Variants in CCT6B observed in about 807,000 individuals in gnomAD.
CCT6B encodes the protein chaperonin containing TCP1 subunit 6B.
A neutral mutation model predicts 61.5 loss-of-function variants in CCT6B; 49 were observed. The observed-to-expected ratio is 0.80, with a 90% confidence interval of 0.63 to 1.01. The LOEUF is 1.01. Among genes scored for constraint, CCT6B ranks in the 50% least tolerant of loss-of-function variants. The probability of loss-of-function intolerance (pLI) is 0.00; values close to 1 mark genes in which losing one functional copy is unlikely to be tolerated. For synonymous variants in CCT6B, 228 were observed against 214.5 expected, an observed-to-expected ratio of 1.06 and a Z score of -0.55; for missense variants, 666 against 634.7, an observed-to-expected ratio of 1.05 and a Z score of -0.53.
intron 3 of CCT6B, among the ~76,000 whole-genome samples, chr17:34,957,146 T>TC (rs2090356989): frequency 1.1e-5 from 1 of 91,678 alleles, no homozygotes; most frequent in African/African-American, 3.3e-5. Context: ...TCTTTCCATT[T>TC]TTTTTTTTTT....
rs752452559 is a variant in CCT6B, at chr17:34,961,425, A to AG, written c.-33dup. ...ACCGTTCAGAGGGAGAAAAAAAAAA[A>AG]GCCTTAGTCGCGATTCTGAGCAAAA... On this transcript the variant is annotated 5_prime_UTR_variant, in exon 1 of 14. Coordinates refer to ENST00000314144, the MANE Select transcript of CCT6B (RefSeq NM_006584.4). 1.9e-6 allele frequency: 3 copies of AG among 1,563,316 alleles called. No individual in the cohort carries two copies. In the South Asian group the frequency reaches 3.6e-5, roughly 19 times the overall value.
chr17:34,961,185 GC>G (rs2090411225), intron 1 of CCT6B, 71 bp downstream of exon 1: 1 of 1,502,748 alleles, frequency 6.7e-7, no homozygotes, highest in Non-Finnish European at 9.0e-7. Context: ...CTACGCGGAC[GC>G]CTGCCTCAGA....
chr17:34,939,459 T>C, intron 9 of CCT6B, 129 bp from the exon 10 acceptor site: 1 of 866,414 alleles, frequency 1.2e-6, no homozygotes, highest in Non-Finnish European at 1.8e-6. Context: ...AAGTTATATC[T>C]GAACTCTTAA....
chr17:34,951,921 C>T, intron 5 of CCT6B, 29 bp downstream of exon 5: 1 of 1,076,550 alleles, frequency 9.3e-7, no homozygotes. Flanking sequence ...TTCTAGAACC[C>T]ATATGTTGTC....
In CCT6B at chr17:34,928,061, GA is replaced by G; in HGVS notation, c.1579del (p.Ser527LeufsTer7). The G allele has an allele frequency of 1.7e-5, 27 of 1,610,432 alleles. No homozygotes were observed. The highest frequency in any genetic ancestry group is 2.1e-5 in the Non-Finnish European group (25 of 1,178,152). ...LVDEIMRAGM[S>X]SLK ...TGAATTCAATCATCATTTGAGAGAAGACATCCCAGCTCGCATAATTTCATCA... is the reference window on the plus strand; with the variant it reads ...TGAATTCAATCATCATTTGAGAGAAGCATCCCAGCTCGCATAATTTCATCA... On this transcript the variant is annotated frameshift_variant, in exon 14 of 14. Coordinates refer to ENST00000314144, the MANE Select transcript of CCT6B (RefSeq NM_006584.4). LOFTEE classifies it high-confidence loss of function.
intron 12 of CCT6B, among the ~76,000 whole-genome samples, chr17:34,929,261 A>G (rs893731633): frequency 3.3e-5 from 5 of 151,820 alleles, no homozygotes; most frequent in African/African-American, 4.8e-5. Flanking sequence ...AGGATACCAC[A>G]CTCTTCTGGT....
intron 5 of CCT6B, among the ~76,000 whole-genome samples, chr17:34,945,874 A>G (rs937627533): frequency 1.3e-5 from 2 of 152,244 alleles, no homozygotes; most frequent in Non-Finnish European, 2.9e-5. Context: ...AGAAACTCCA[A>G]CAGGTAAGTA....
Position 34,931,021 on chromosome 17 carries a change from G to A in CCT6B, c.1378C>T (p.Gln460Ter). Residue 460 changes from glutamine to a stop codon, truncating the protein, a stop_gained, in exon 12 of 14, where the codon CAG becomes TAG. Coordinates refer to ENST00000314144, the MANE Select transcript of CCT6B (RefSeq NM_006584.4). LOFTEE classifies it high-confidence loss of function. ...GCCTGAACTTTTACTAATGTTTCCTGTGGGTCATAACCAGCATTCTGAGCA... is the reference window on the plus strand; with the variant it reads ...GCCTGAACTTTTACTAATGTTTCCTATGGGTCATAACCAGCATTCTGAGCA... ...VLAQNAGYDP[Q>*]ETLVKVQAEH... The A allele has an allele frequency of 6.3e-7, 1 of 1,597,252 alleles. No individual in the cohort carries two copies. The highest frequency in any genetic ancestry group is 8.6e-7 in the Non-Finnish European group (1 of 1,168,580).
intron 5 of CCT6B, among the ~76,000 whole-genome samples, chr17:34,950,739 G>T (rs1316209003): frequency 6.6e-6 from 1 of 152,054 alleles, no homozygotes; most frequent in Non-Finnish European, 1.5e-5. Flanking sequence ...GACCAGCCTG[G>T]CCAACATGGT....
Position 34,930,976 on chromosome 17 carries a change from GTT to G in CCT6B, c.1421_1422del (p.Lys474ThrfsTer11). Reference protein sequence around the residue: ...VKVQAEHVESKQLVGVDLNTG... With the variant: ...VKVQAEHVESXQLVGVDLNTG... ...GTATTCAAATCTACGCCCACAAGTT[GTT>G]TTGACTCGACATGCTCAGCCTGAAC... On this transcript the variant is annotated frameshift_variant, in exon 12 of 14. Coordinates refer to ENST00000314144, the MANE Select transcript of CCT6B (RefSeq NM_006584.4). LOFTEE classifies it high-confidence loss of function. The G allele has an allele frequency of 6.2e-7, 1 of 1,603,096 alleles. No homozygotes were observed. The highest frequency in any genetic ancestry group is 1.1e-5 in the South Asian group (1 of 90,114).
chr17:34,928,877 G>T, intron 13 of CCT6B, 85 bp downstream of exon 13: 1 of 784,096 alleles, frequency 1.3e-6, no homozygotes, highest in South Asian at 1.7e-5. Context: ...CACTGTACAG[G>T]GACAAAAATA....
intron 5 of CCT6B, among the ~76,000 whole-genome samples, chr17:34,951,560 G>C (rs528752994): frequency 1.6e-4 from 24 of 152,064 alleles, no homozygotes; most frequent in Non-Finnish European, 2.5e-4. Context: ...TGTGCTCCAG[G>C]CACACTGTAA....
rs1388678946 is a variant in CCT6B at position 34,959,610 on chromosome 17, C to T, written c.178G>A (p.Gly60Ser). 3.1e-6 allele frequency: 5 copies of T among 1,613,114 alleles called. No individual in the cohort carries two copies. Among genetic ancestry groups the T allele is most frequent in the Non-Finnish European group, 8.5e-7 (1 of 1,179,260 alleles). Residue 60 changes from glycine to serine, a missense_variant, in exon 2 of 14, where the codon GGC becomes AGC. Transcript: ENST00000314144. ...GAGDIKLTKDGNVLLDEMQIQ... is the reference protein window; with the variant it reads ...GAGDIKLTKDSNVLLDEMQIQ... ...ACCATCTCATCGAGCAGCACATTGC[C>T]ATCTTTGGTGAGTTTGATGTCACCT...
At chr17:34,947,822 A>G (rs990247380) in intron 5 of CCT6B, among the ~76,000 whole-genome samples, 1 of 151,928 alleles carries the variant, frequency 6.6e-6, no homozygotes, top group Non-Finnish European at 1.5e-5. Flanking sequence ...TCTCTACTAA[A>G]ATACAAAAAA....
In CCT6B at chr17:34,939,624, T is replaced by C. The variant is rs2090137108; in HGVS notation, c.1058A>G (p.Tyr353Cys). 2 of 1,592,860 alleles carry C rather than the reference T, an allele frequency of 1.3e-6. No individual in the cohort carries two copies. Among genetic ancestry groups the C allele is most frequent in the South Asian group, 1.1e-5 (1 of 90,602 alleles). Residue 353 changes from tyrosine (Y) to cysteine (C), a missense_variant, in exon 9 of 14, where the codon TAT (tyrosine) becomes TGT (cysteine). Tyr to Cys is a radical substitution (Grantham distance 194). Transcript: ENST00000314144. ...GTTCATAGAAATACTCACTAATGTA[T>C]ACTCATACACAAGACCAGCATGTCC... The part of the protein sequence containing the change: ...CLGHAGLVYE[Y>C]TLGEEKFTFI...
rs1392358772 is a variant in CCT6B at position 34,952,008 on chromosome 17, T to G, written c.556A>C (p.Ile186Leu). The stretch of plus-strand genomic sequence containing the variant: ...ATTATTTCTACCATGAAGAGATCAA[T>G]AGGGTAACCTGGTCTTCTAACAGCC... ...VLAVRRPGYPIDLFMVEIMEM... is the reference protein window; with the variant it reads ...VLAVRRPGYPLDLFMVEIMEM... The change falls in exon 5 of 14, where the codon ATT (isoleucine) becomes CTT (leucine). Residue 186 changes from isoleucine (I) to leucine (L), a missense_variant. Physicochemically the swap from Ile to Leu is conservative, Grantham distance 5. Transcript: ENST00000314144. The G allele has an allele frequency of 1.9e-6, 3 of 1,610,472 alleles. No individual in the cohort carries two copies. The highest frequency in any genetic ancestry group is 2.2e-5 in the South Asian group (2 of 90,612).
rs558639122 is a variant in CCT6B at position 34,930,525 on chromosome 17, T to C, written c.1450+424A>G. Among the ~76,000 whole-genome samples the C allele has an allele frequency of 7.2e-5, 11 of 152,190 alleles. No homozygotes were observed. The East Asian group carries it at 2.1e-3, about 29-fold the overall frequency. The stretch of plus-strand genomic sequence containing the variant: ...TCCTTCCACTTTTTTTCAACAGACA[T>C]CTAGATGATGCCTACCCTGACCAAC... On this transcript the variant is annotated intron_variant, in intron 12 of 13. Transcript: ENST00000314144.
intron 10 of CCT6B, among the ~76,000 whole-genome samples, chr17:34,933,570 G>A (rs2090060099): frequency 6.6e-6 from 1 of 151,960 alleles, no homozygotes; most frequent in African/African-American, 2.4e-5. Flanking sequence ...GTTAAATACA[G>A]AATATACTCA....
chr17:34,957,693 T>C (rs1031549706), intron 3 of CCT6B, among the ~76,000 whole-genome samples: 2 of 152,136 alleles, frequency 1.3e-5, no homozygotes, highest in African/African-American at 4.8e-5. Context: ...TTCCCAATAC[T>C]AAACGAAACA....
Sources: gnomAD v4.1 joint callset for allele counts (sites outside exome capture counted in the v4.1 genomes callset) on GRCh38, gnomAD v4.1.1 for gene constraint, MANE v1.5 for transcripts, NCBI Gene and HGNC (gene_info 2026-07-23, HGNC 2026-07-21) for gene names.